Variants in HTRA2 observed in about 807,000 individuals in gnomAD.
HTRA2 encodes serine protease HTRA2, mitochondrial.
HTRA2 carries 24 observed loss-of-function variants against 42.2 expected under a neutral mutation model. The ratio of observed to expected loss-of-function variants is 0.57; its 90% confidence interval spans 0.41 to 0.80. The LOEUF is 0.80. HTRA2 is among the 30% of genes least tolerant of loss of function. The probability of loss-of-function intolerance (pLI) is 0.00; values close to 1 mark genes in which losing one functional copy is unlikely to be tolerated. For missense variants in HTRA2, 466 were observed against 613.5 expected, an observed-to-expected ratio of 0.76 and a Z score of 2.54; for synonymous variants, 245 against 255.8, an observed-to-expected ratio of 0.96 and a Z score of 0.40.
upstream of HTRA2, chr2:74,529,804 G>A (rs1033417716): frequency 4.2e-6 from 6 of 1,433,090 alleles, no homozygotes; most frequent in Non-Finnish European, 5.5e-6. Context: ...CCCTTGGGCC[G>A]TCTCACAACT....
Position 74,531,027 on chromosome 2 carries a change from C to T in HTRA2, c.828C>T (p.Ser276=), listed in dbSNP as rs1197636330. 5 of 1,614,220 alleles carry T rather than the reference C, an allele frequency of 3.1e-6. No individual in the cohort carries two copies. Among genetic ancestry groups the T allele is most frequent in the Admixed American group, 3.3e-5 (2 of 60,030 alleles). The change falls in exon 3 of 8, where the codon AGC becomes AGT. Residue 276 remains serine (S), a synonymous_variant. Coordinates refer to ENST00000258080, the MANE Select transcript of HTRA2 (RefSeq NM_013247.5). ...LQNTITSGIV[S]SAQRPARDLG... is the part of the protein sequence containing the mutation. Reference sequence around the variant, plus strand: ...ACACGATCACATCCGGCATTGTTAGCTCTGCTCAGCGTCCAGCCAGAGACC... The same window carrying T: ...ACACGATCACATCCGGCATTGTTAGTTCTGCTCAGCGTCCAGCCAGAGACC...
chr2:74,529,930 G>A, upstream of HTRA2: 3 of 1,486,516 alleles, frequency 2.0e-6, no homozygotes, highest in South Asian at 4.1e-5. Flanking sequence ...CGTGCCCCGC[G>A]TCCTACTGTC....
intron 3 of HTRA2, 48 bp downstream of exon 3, chr2:74,531,153 A>C: frequency 6.2e-7 from 1 of 1,601,352 alleles, no homozygotes. Context: ...GAGGGGGGAG[A>C]GGCTGTGTGG....
chr2:74,530,184 C>T lies in HTRA2; in HGVS notation c.178C>T (p.Arg60Trp), dbSNP rs1333355602. 3.4e-5 allele frequency: 55 copies of T among 1,611,522 alleles called. No individual in the cohort carries two copies. In the East Asian group the frequency reaches 1.1e-3, roughly 33 times the overall value. Residue 60 changes from arginine to tryptophan, a missense_variant, in exon 1 of 8, where the codon CGG (arginine) becomes TGG (tryptophan). By Grantham distance (101) the Arg-to-Trp change is moderately radical (BLOSUM62 -3). Around this residue, in one of 3 missense-constraint regions of HTRA2, gnomAD observed 222 missense variants for 205.1 expected, o/e 1.08. Coordinates refer to ENST00000258080, the MANE Select transcript of HTRA2 (RefSeq NM_013247.5). The surrounding 1 kb of genome is among the most constrained non-coding windows in gnomAD (Gnocchi z 7.4). ...VTYGTPSLWA[R>W]LSVGVTEPRA... The stretch of plus-strand genomic sequence containing the variant: ...TTATGGGACCCCCAGTCTCTGGGCC[C>T]GGTTGTCTGTTGGGGTCACTGAACC...
chr2:74,529,530 C>G (rs773326205), upstream of HTRA2: 4 of 1,548,252 alleles, frequency 2.6e-6, no homozygotes, highest in African/African-American at 4.1e-5. Flanking sequence ...GGTCAGGCGC[C>G]GAAGGCCGAG....
intron 4 of HTRA2, 36 bp from the exon 5 acceptor site, chr2:74,531,561 G>A: frequency 6.2e-7 from 1 of 1,613,994 alleles, no homozygotes; most frequent in Non-Finnish European, 8.5e-7. Context: ...CCTACTATTT[G>A]TTTAGGCTAG....
Position 74,533,092 on chromosome 2 carries a change from G to T in HTRA2, c.*107G>T. Reference sequence around the variant, plus strand: ...GGGTTAAATGAACCAGTGGGGGCAGGTCCCTCCAACCACCAGCACTGACTC... The same window carrying T: ...GGGTTAAATGAACCAGTGGGGGCAGTTCCCTCCAACCACCAGCACTGACTC... On this transcript the variant is annotated 3_prime_UTR_variant, in exon 8 of 8. Coordinates refer to ENST00000258080, the MANE Select transcript of HTRA2 (RefSeq NM_013247.5). The T allele has an allele frequency of 1.5e-5, 16 of 1,045,614 alleles. No homozygotes were observed. The highest frequency in any genetic ancestry group is 2.0e-5 in the Non-Finnish European group (14 of 683,998). 64.8% of individuals were successfully genotyped at this position (1,045,614 alleles called of 1,614,324 possible). A position where few individuals can be genotyped will look rare whatever the true frequency, so the allele number is the denominator to read the frequency against.
intron 4 of HTRA2, 37 bp from the exon 5 acceptor site, chr2:74,531,560 T>C: frequency 6.2e-7 from 1 of 1,614,032 alleles, no homozygotes; most frequent in Non-Finnish European, 8.5e-7. Context: ...CCCTACTATT[T>C]GTTTAGGCTA....
At position 74,532,816 on chromosome 2, in the gene HTRA2, A is replaced by G. The variant is rs191990097; in HGVS notation, c.1212-4A>G. ...CCTTTCTCTCTGTCCATTTTTCTCT[A>G]TAGGGCTGGTCTGCGGCCTGGTGAT... On this transcript the variant is annotated splice_polypyrimidine_tract_variant and splice_region_variant and intron_variant, in intron 7 of 7. Transcript: ENST00000258080. 8 of 1,614,010 alleles carry G rather than the reference A, an allele frequency of 5.0e-6. No homozygotes were observed. The Admixed American group carries it at 8.3e-5, about 17-fold the overall frequency.
Position 74,529,990 on chromosome 2 carries a change from C to T in HTRA2, c.-17C>T, listed in dbSNP as rs749968474. 1.7e-5 allele frequency: 26 copies of T among 1,511,244 alleles called. No individual in the cohort carries two copies. In the African/African-American group the frequency reaches 3.5e-4, roughly 20 times the overall value. The allele number at this position is 1,511,244 out of a possible 1,614,324, so 93.6% of individuals were successfully genotyped here. On this transcript the variant is annotated 5_prime_UTR_variant, in exon 1 of 8. Transcript: ENST00000258080. ...CCTCTGAGTAGGGCGGGCGAGGAGGCAGCCAAGGCGGAGCTGATGGCTGCG... is the reference window on the plus strand; with the variant it reads ...CCTCTGAGTAGGGCGGGCGAGGAGGTAGCCAAGGCGGAGCTGATGGCTGCG...
chr2:74,530,194 T>TG lies in HTRA2; in HGVS notation c.188_189insG (p.Gly64TrpfsTer4). 6.2e-7 allele frequency: 1 copy of TG among 1,611,366 alleles called. No individual in the cohort carries two copies. The highest frequency in any genetic ancestry group is 2.2e-5 in the East Asian group (1 of 44,794). ...CCCAGTCTCTGGGCCCGGTTGTCTG[T>TG]TGGGGTCACTGAACCCCGAGCATGC... On this transcript the variant is annotated frameshift_variant, in exon 1 of 8. Transcript: ENST00000258080. LOFTEE classifies it high-confidence loss of function. The surrounding 1 kb of genome is among the most constrained non-coding windows in gnomAD (Gnocchi z 7.4).
Position 74,531,915 on chromosome 2 carries a change from C to T in HTRA2, c.1105C>T (p.Leu369=). ...CTACATTGGGGTGATGATGCTGACC[C>T]TGAGTCCCAGGTATGAGCTTTAGGG... ...RRYIGVMMLT[L]SPSILAELQL... Residue 369 remains leucine, a synonymous_variant, in exon 6 of 8, where the codon CTG becomes TTG. Transcript: ENST00000258080. The T allele has an allele frequency of 1.9e-6, 3 of 1,614,152 alleles. No homozygotes were observed. In the South Asian group the frequency reaches 3.3e-5, roughly 18 times the overall value.
In HTRA2 at chr2:74,530,988, C is replaced by T. The variant is rs755898457; in HGVS notation, c.789C>T (p.Pro263=). 2 of 1,614,240 alleles carry T rather than the reference C, an allele frequency of 1.2e-6. No homozygotes were observed. Among genetic ancestry groups the T allele is most frequent in the Non-Finnish European group, 1.7e-6 (2 of 1,180,042 alleles). ...QGEFVVAMGS[P]FALQNTITSG... ...AGTTTGTTGTTGCCATGGGAAGTCC[C>T]TTTGCACTGCAGAACACGATCACAT... is the stretch of plus-strand genomic sequence containing the variant. The change falls in exon 3 of 8, where the codon CCC becomes CCT. Residue 263 remains proline, a synonymous_variant. Transcript: ENST00000258080. The surrounding 1 kb of genome is among the most constrained non-coding windows in gnomAD (Gnocchi z 7.4).
Position 74,530,206 on chromosome 2 carries a change from A to G in HTRA2, c.200A>G (p.Glu67Gly), listed in dbSNP as rs768944981. The G allele has an allele frequency of 1.9e-6, 3 of 1,610,958 alleles. No homozygotes were observed. In the Admixed American group the frequency reaches 5.0e-5, roughly 27 times the overall value. The change falls in exon 1 of 8, where the codon GAA becomes GGA. Residue 67 changes from glutamate (E) to glycine (G), a missense_variant. Glu to Gly is a moderately conservative substitution (Grantham distance 98). Transcript: ENST00000258080. This position sits in a 1 kb window ranked among gnomAD's most constrained non-coding sequence, Gnocchi z 7.4. The part of the protein sequence containing the change: ...LWARLSVGVT[E>G]PRACLTSGTP... Reference sequence around the variant, plus strand: ...GCCCGGTTGTCTGTTGGGGTCACTGAACCCCGAGCATGCCTGACGTCTGGG... The same window carrying G: ...GCCCGGTTGTCTGTTGGGGTCACTGGACCCCGAGCATGCCTGACGTCTGGG...
In HTRA2 at chr2:74,530,848, GTTGGAGCTGC is replaced by G. The variant is rs1445811534; in HGVS notation, c.711+30_711+39del. 2 of 1,614,148 alleles carry G rather than the reference GTTGGAGCTGC, an allele frequency of 1.2e-6. No homozygotes were observed. The highest frequency in any genetic ancestry group is 1.7e-6 in the Non-Finnish European group (2 of 1,180,032). On this transcript the variant is annotated intron_variant, in intron 2 of 7. Coordinates refer to ENST00000258080, the MANE Select transcript of HTRA2 (RefSeq NM_013247.5). This position sits in a 1 kb window ranked among gnomAD's most constrained non-coding sequence, Gnocchi z 7.4. ...TGGGGGCTGGGGTAGGCCAGGTCTG[GTTGGAGCTGC>G]TTATTTGCTCGCATCTTCAGATGAC...
At chr2:74,531,169 G>A (rs1675567096) in intron 3 of HTRA2, 64 bp downstream of exon 3, 1 of 1,578,338 alleles carries the variant, frequency 6.3e-7, no homozygotes, top group Non-Finnish European at 8.7e-7. Context: ...TGTGGTACAA[G>A]CACCAACTGA....
upstream of HTRA2, chr2:74,529,738 G>C: frequency 6.6e-7 from 1 of 1,516,996 alleles, no homozygotes; most frequent in South Asian, 1.2e-5. Flanking sequence ...GGGGTGAGGG[G>C]ACCCGAAGTC....
Position 74,530,592 on chromosome 2 carries a change from T to C in HTRA2, c.507-25T>C, listed in dbSNP as rs1425477176. 3.7e-6 allele frequency: 6 copies of C among 1,613,754 alleles called. No individual in the cohort carries two copies. Among genetic ancestry groups the C allele is most frequent in the Non-Finnish European group, 5.1e-6 (6 of 1,180,026 alleles). On this transcript the variant is annotated intron_variant, in intron 1 of 7. Coordinates refer to ENST00000258080, the MANE Select transcript of HTRA2 (RefSeq NM_013247.5). The surrounding 1 kb of genome is among the most constrained non-coding windows in gnomAD (Gnocchi z 7.4). ...GGTAGGAGGGGTCAGAGCCTCCTCT[T>C]ATCTGTGCTTTCCCTCCATTTCAGG...
chr2:74,531,004 A>G lies in HTRA2; in HGVS notation c.805A>G (p.Thr269Ala). The G allele has an allele frequency of 6.2e-7, 1 of 1,614,236 alleles. No individual in the cohort carries two copies. Among genetic ancestry groups the G allele is most frequent in the Non-Finnish European group, 8.5e-7 (1 of 1,180,036 alleles). ...GGGAAGTCCCTTTGCACTGCAGAAC[A>G]CGATCACATCCGGCATTGTTAGCTC... is the stretch of plus-strand genomic sequence containing the variant. ...AMGSPFALQN[T>A]ITSGIVSSAQ... is the part of the protein sequence containing the mutation. Residue 269 changes from threonine to alanine, a missense_variant, in exon 3 of 8, where the codon ACG (threonine) becomes GCG (alanine). Coordinates refer to ENST00000258080, the MANE Select transcript of HTRA2 (RefSeq NM_013247.5).
Sources: allele counts gnomAD v4.1 joint callset, GRCh38; gene constraint gnomAD v4.1.1; regional missense constraint gnomAD v4.1.1; non-coding constraint Gnocchi (gnomAD v3.1); transcripts MANE v1.5; gene names NCBI Gene and HGNC (gene_info 2026-07-23, HGNC 2026-07-21).